Variants in ONECUT1 observed in about 807,000 individuals in gnomAD.
The protein encoded by ONECUT1 is hepatocyte nuclear factor 6.
A neutral mutation model predicts 25.6 loss-of-function variants in ONECUT1; 12 were observed. The ratio of observed to expected loss-of-function variants is 0.47; its 90% CI spans 0.30 to 0.76. ONECUT1 has a LOEUF of 0.76. Among genes scored for constraint, ONECUT1 ranks in the 30% least tolerant of loss-of-function variants. ONECUT1 has a pLI of 0.07. For missense variants in ONECUT1, 620 were observed against 651.2 expected (o/e 0.95, Z 0.52); for synonymous variants, 285 against 270.2 (o/e 1.05, Z -0.54).
At chr15:52,770,132 T>C (rs886212790) in intron 1 of ONECUT1, among the ~76,000 whole-genome samples, 2 of 152,212 alleles carry the variant, frequency 1.3e-5, no homozygotes, top group African/African-American at 4.8e-5. Context: ...GTATCATTTC[T>C]CTCTCCTGGG....
chr15:52,763,465 TG>T (rs1472667933), intron 1 of ONECUT1, among the ~76,000 whole-genome samples: 1 of 151,872 alleles, frequency 6.6e-6, no homozygotes, highest in Admixed American at 6.6e-5. Flanking sequence ...TTGCCTATAG[TG>T]GGCAAGGCAG....
At position 52,757,490 on chromosome 15, in the gene ONECUT1, G is replaced by C; in HGVS notation, c.*65C>G. 6.6e-7 allele frequency: 1 copy of C among 1,504,032 alleles called. No individual in the cohort carries two copies. Among genetic ancestry groups the C allele is most frequent in the Non-Finnish European group, 8.9e-7 (1 of 1,117,378 alleles). The allele number at this position is 1,504,032 out of a possible 1,614,324, so 93.2% of individuals were successfully genotyped here. A position where few individuals can be genotyped will look rare whatever the true frequency, so the allele number is the denominator to read the frequency against. On this transcript the variant is annotated 3_prime_UTR_variant, in exon 2 of 2. Coordinates refer to ENST00000305901, the MANE Select transcript of ONECUT1 (RefSeq NM_004498.4). ...TATAAACCTGCTATCTTGAGGTCCT[G>C]GTCTTTTAAAAATTTTTTTTAATTT...
intron 1 of ONECUT1, among the ~76,000 whole-genome samples, chr15:52,773,198 T>C (rs1272639217): frequency 2.6e-5 from 4 of 151,592 alleles, no homozygotes; most frequent in African/African-American, 9.7e-5. Flanking sequence ...TATTACAGGA[T>C]TGAGCAAATG....
intron 1 of ONECUT1, among the ~76,000 whole-genome samples, chr15:52,768,756 A>C (rs1298358751): frequency 6.6e-6 from 1 of 152,208 alleles, no homozygotes; most frequent in Non-Finnish European, 1.5e-5. Flanking sequence ...ATTAATTTCA[A>C]ATTAGTGAAG....
intron 1 of ONECUT1, among the ~76,000 whole-genome samples, chr15:52,785,551 G>C (rs555790835): frequency 2.6e-5 from 4 of 152,334 alleles, no homozygotes; most frequent in South Asian, 4.1e-4. Context: ...TGCTGCGCTT[G>C]CTGTTGGGTG....
chr15:52,764,213 A>C (rs2083721508), intron 1 of ONECUT1, among the ~76,000 whole-genome samples: 1 of 152,244 alleles, frequency 6.6e-6, no homozygotes, highest in East Asian at 1.9e-4. Context: ...TAATAAAGCC[A>C]AATGAACTTA....
chr15:52,778,995 C>CTT (rs547428108), intron 1 of ONECUT1, among the ~76,000 whole-genome samples: 84 of 141,130 alleles, frequency 6.0e-4, no homozygotes, highest in African/African-American at 1.8e-3. Flanking sequence ...AGAGGGTTTT[C>CTT]TTTTTTTTTT....
rs1022716287 is a variant in ONECUT1 at position 52,784,894 on chromosome 15, C to A, written c.1105+3886G>T. 7.2e-5 allele frequency among the ~76,000 whole-genome samples: 11 copies of A among 152,246 alleles called. No individual in the cohort carries two copies. Among genetic ancestry groups the A allele is most frequent in the Admixed American group, 2.0e-4 (3 of 15,294 alleles). On this transcript the variant is annotated intron_variant, in intron 1 of 1. Transcript: ENST00000305901. This position sits in a 1 kb window ranked among gnomAD's most constrained non-coding sequence, Gnocchi z 5.0. ...CGCTCCCAGCTGGCGGCGCCCCTCG[C>A]CCCGGGCTCAGAGGCGGACACGGTC...
At chr15:52,778,034 G>A (rs921169620) in intron 1 of ONECUT1, among the ~76,000 whole-genome samples, 1 of 152,146 alleles carries the variant, frequency 6.6e-6, no homozygotes, top group Non-Finnish European at 1.5e-5. Flanking sequence ...GGTCTGAATT[G>A]CTTGGGTTGA....
intron 1 of ONECUT1, among the ~76,000 whole-genome samples, chr15:52,762,977 CAGAG>C (rs138699375): frequency 4.0e-5 from 6 of 149,260 alleles, no homozygotes; most frequent in Non-Finnish European, 7.4e-5. Context: ...GCAAGATAGA[CAGAG>C]AGAGAGAGAG....
chr15:52,783,121 T>TTAAAGA (rs1363232172), intron 1 of ONECUT1, among the ~76,000 whole-genome samples: 1 of 152,196 alleles, frequency 6.6e-6, no homozygotes, highest in Non-Finnish European at 1.5e-5. Context: ...CTTAAAGACC[T>TTAAAGA]CGTAGATTAG....
Position 52,789,838 on chromosome 15 carries a change from A to G in ONECUT1, c.47T>C (p.Val16Ala). 6.5e-7 allele frequency: 1 copy of G among 1,541,660 alleles called. No individual in the cohort carries two copies. Among genetic ancestry groups the G allele is most frequent in the Non-Finnish European group, 8.7e-7 (1 of 1,155,232 alleles). Reference sequence around the variant, plus strand: ...AGGGGCGGGCACCGGCTCATGGCTCACCCCGTGCAGCTCGCCGATCGCTTC... The same window carrying G: ...AGGGGCGGGCACCGGCTCATGGCTCGCCCCGTGCAGCTCGCCGATCGCTTC... ...TMEAIGELHG[V>A]SHEPVPAPAD... The change falls in exon 1 of 2, where the codon GTG becomes GCG. Residue 16 changes from valine to alanine, a missense_variant. By Grantham distance (64) the Val-to-Ala change is moderately conservative. This residue lies in a region of ONECUT1 where 440 missense variants were observed against 404.9 expected (regional missense o/e 1.09). Transcript: ENST00000305901. This position sits in a 1 kb window ranked among gnomAD's most constrained non-coding sequence, Gnocchi z 4.1.
chr15:52,764,379 T>C (rs1451791055), intron 1 of ONECUT1, among the ~76,000 whole-genome samples: 2 of 152,200 alleles, frequency 1.3e-5, no homozygotes, highest in African/African-American at 4.8e-5. Context: ...AGAGCAAATA[T>C]ATTGTCTTAC....
At chr15:52,775,336 T>C (rs1007553649) in intron 1 of ONECUT1, among the ~76,000 whole-genome samples, 2 of 152,154 alleles carry the variant, frequency 1.3e-5, no homozygotes, top group South Asian at 4.1e-4. Flanking sequence ...GGGCAGCATC[T>C]TCTAGGGAGG....
At chr15:52,762,227 T>G (rs1387167977) in intron 1 of ONECUT1, among the ~76,000 whole-genome samples, 1 of 152,246 alleles carries the variant, frequency 6.6e-6, no homozygotes, top group African/African-American at 2.4e-5. Context: ...TTGGCAGGAC[T>G]GTCTGCTGAA....
intron 1 of ONECUT1, among the ~76,000 whole-genome samples, chr15:52,758,386 T>C (rs2083686601): frequency 6.6e-6 from 1 of 152,122 alleles, no homozygotes. Flanking sequence ...TAGAAAGGAA[T>C]TGCATTTGTT....
At chr15:52,768,559 C>T (rs574903935) in intron 1 of ONECUT1, among the ~76,000 whole-genome samples, 1 of 152,282 alleles carries the variant, frequency 6.6e-6, no homozygotes, top group East Asian at 1.9e-4. Context: ...TGATGAATTA[C>T]ATGCTTATTT....
At chr15:52,760,005 C>T (rs988874508) in intron 1 of ONECUT1, among the ~76,000 whole-genome samples, 10 of 152,244 alleles carry the variant, frequency 6.6e-5, no homozygotes, top group East Asian at 5.8e-4. Context: ...ACCCTACTTA[C>T]GGGGCCACTG....
Position 52,789,868 on chromosome 15 carries a change from G to A in ONECUT1, c.17C>T (p.Thr6Ile), listed in dbSNP as rs754211917. The A allele has an allele frequency of 6.5e-7, 1 of 1,542,766 alleles. No homozygotes were observed. The highest frequency in any genetic ancestry group is 8.7e-7 in the Non-Finnish European group (1 of 1,154,916). Residue 6 changes from threonine to isoleucine, a missense_variant, in exon 1 of 2, where the codon ACC becomes ATC. Physicochemically the swap from Thr to Ile is moderately conservative, Grantham distance 89. Around this residue, in one of 4 missense-constraint regions of ONECUT1, gnomAD observed 440 missense variants for 404.9 expected, o/e 1.09. Transcript: ENST00000305901. The surrounding 1 kb of genome is among the most constrained non-coding windows in gnomAD (Gnocchi z 4.1). Reference protein sequence around the residue: MNAQLTMEAIGELHGV... With the variant: MNAQLIMEAIGELHGV... ...GTGCAGCTCGCCGATCGCTTCCATG[G>A]TCAGCTGCGCGTTCATCGTGATCCG...
Sources: allele counts gnomAD v4.1 joint callset (sites outside exome capture counted in the v4.1 genomes callset), GRCh38; gene constraint gnomAD v4.1.1; regional missense constraint gnomAD v4.1.1; non-coding constraint Gnocchi (gnomAD v3.1); transcripts MANE v1.5; gene names NCBI Gene and HGNC (gene_info 2026-07-23, HGNC 2026-07-21).